Variants in CA10 observed in about 807,000 individuals in gnomAD.
The protein encoded by CA10 is carbonic anhydrase 10 (inactive), also known as carbonic anhydrase-related protein 10.
A neutral mutation model predicts 44.2 loss-of-function variants in CA10; 14 were observed. The observed-to-expected ratio is 0.32, with a 90% CI of 0.21 to 0.50. The LOEUF (loss-of-function observed/expected upper bound fraction) is 0.50. CA10 is among the 20% of genes least tolerant of loss of function. The probability of loss-of-function intolerance (pLI) is 0.99; values close to 1 mark genes in which losing one functional copy is unlikely to be tolerated. For missense variants in CA10, 350 were observed against 409.7 expected (o/e 0.85, Z 1.26); for synonymous variants, 159 against 141.6 (o/e 1.12, Z -0.87).
chr17:52,010,627 T>C (rs1214578818), intron 2 of CA10, among the ~76,000 whole-genome samples: 1 of 151,494 alleles, frequency 6.6e-6, no homozygotes, highest in Non-Finnish European at 1.5e-5. Context: ...GGGGAAAATG[T>C]GGGGGATGGT....
chr17:52,069,697 C>T (rs2143127643), intron 2 of CA10, among the ~76,000 whole-genome samples: 1 of 152,292 alleles, frequency 6.6e-6, no homozygotes, highest in Non-Finnish European at 1.5e-5. Context: ...TCCATAAATG[C>T]TATTGAACTG....
intron 3 of CA10, among the ~76,000 whole-genome samples, chr17:51,883,236 A>C (rs927087632): frequency 6.6e-6 from 1 of 152,164 alleles, no homozygotes; most frequent in Admixed American, 6.5e-5. Flanking sequence ...AAATAATACA[A>C]TAAATTTTCT....
At chr17:51,758,184 G>A (rs1905127424) in intron 3 of CA10, among the ~76,000 whole-genome samples, 1 of 152,054 alleles carries the variant, frequency 6.6e-6, no homozygotes. Flanking sequence ...ATAGGATTTT[G>A]GCATCTACAC....
At chr17:51,692,340 A>G (rs1054337736) in intron 4 of CA10, among the ~76,000 whole-genome samples, 4 of 141,896 alleles carry the variant, frequency 2.8e-5, no homozygotes, top group Non-Finnish European at 6.1e-5. Context: ...TTTGTTTTCT[A>G]TCTACCTACC....
chr17:51,990,729 ACTCT>A (rs1410827665), intron 2 of CA10, among the ~76,000 whole-genome samples: 1 of 152,096 alleles, frequency 6.6e-6, no homozygotes, highest in African/African-American at 2.4e-5. Flanking sequence ...GGAAATTTCA[ACTCT>A]CTATTTCTCA....
rs112794109 is a variant in CA10, at chr17:51,865,565, TG to T, written c.279+65424del. 4.5e-3 allele frequency among the ~76,000 whole-genome samples: 682 copies of T among 152,192 alleles called. 6 individuals carry two copies. Among genetic ancestry groups the T allele is most frequent in the African/African-American group, 0.016 (663 of 41,514 alleles). On this transcript the variant is annotated intron_variant, in intron 3 of 8. Coordinates refer to ENST00000451037, the MANE Select transcript of CA10 (RefSeq NM_020178.5). ...AGTGTCCATGGCCTCAGGGAGCCGGTGGGGGGGAACCAATATGCAGTCAAAA... is the reference window on the plus strand; with the variant it reads ...AGTGTCCATGGCCTCAGGGAGCCGGTGGGGGGAACCAATATGCAGTCAAAA...
chr17:51,811,405 C>T (rs1448005922), intron 3 of CA10, among the ~76,000 whole-genome samples: 1 of 152,158 alleles, frequency 6.6e-6, no homozygotes, highest in Non-Finnish European at 1.5e-5. Context: ...TCATCATTTA[C>T]ATTAGGTATT....
intron 2 of CA10, among the ~76,000 whole-genome samples, chr17:52,002,227 G>GA (rs199497929): frequency 2.3e-3 from 336 of 148,774 alleles, no homozygotes; most frequent in African/African-American, 7.5e-3. Flanking sequence ...AGTTATAAAT[G>GA]AAAAAAAAAA....
intron 2 of CA10, among the ~76,000 whole-genome samples, chr17:51,932,720 T>C (rs550631362): frequency 1.3e-5 from 2 of 152,208 alleles, no homozygotes; most frequent in Admixed American, 1.3e-4. Context: ...AGGAGAAACA[T>C]TGACACATGT....
At chr17:51,869,271 T>C (rs1979699648) in intron 3 of CA10, among the ~76,000 whole-genome samples, 1 of 152,142 alleles carries the variant, frequency 6.6e-6, no homozygotes, top group African/African-American at 2.4e-5. Context: ...TCATAAACCA[T>C]TTCAAATGGA....
intron 4 of CA10, among the ~76,000 whole-genome samples, chr17:51,709,904 G>T (rs1182844653): frequency 6.6e-6 from 1 of 152,184 alleles, no homozygotes; most frequent in Non-Finnish European, 1.5e-5. Context: ...GAGCCAGGGA[G>T]TTGGAATGGG....
At chr17:51,764,693 T>G (rs1271051841) in intron 3 of CA10, among the ~76,000 whole-genome samples, 1 of 152,192 alleles carries the variant, frequency 6.6e-6, no homozygotes, top group East Asian at 1.9e-4. Flanking sequence ...AGTACCATTC[T>G]GCAGAATCGA....
chr17:51,682,048 C>T (rs1357874876), intron 4 of CA10, among the ~76,000 whole-genome samples: 2 of 152,146 alleles, frequency 1.3e-5, no homozygotes, highest in Non-Finnish European at 2.9e-5. Context: ...AACAACATAC[C>T]ATGTTTTCCC....
intron 2 of CA10, among the ~76,000 whole-genome samples, chr17:52,033,009 T>C (rs1986513671): frequency 6.6e-6 from 1 of 152,136 alleles, no homozygotes; most frequent in Non-Finnish European, 1.5e-5. Flanking sequence ...TCAAGAGAAC[T>C]AAGATTTTTG....
chr17:51,671,475 G>A (rs989523614), intron 4 of CA10, among the ~76,000 whole-genome samples: 1 of 152,106 alleles, frequency 6.6e-6, no homozygotes, highest in African/African-American at 2.4e-5. Context: ...TGCGATCTTG[G>A]CTCACTGCAA....
At chr17:51,744,693 G>A (rs930276685) in intron 4 of CA10, among the ~76,000 whole-genome samples, 2 of 152,122 alleles carry the variant, frequency 1.3e-5, no homozygotes, top group African/African-American at 4.8e-5. Context: ...TTTCATCACT[G>A]TATCGTTTTC....
At chr17:51,809,968 A>C (rs1598056027) in intron 3 of CA10, among the ~76,000 whole-genome samples, 1 of 152,208 alleles carries the variant, frequency 6.6e-6, no homozygotes, top group East Asian at 1.9e-4. Context: ...GAAGTGATAC[A>C]TATAAGCCAT....
intron 2 of CA10, among the ~76,000 whole-genome samples, chr17:52,055,103 C>T (rs1464572088): frequency 6.6e-6 from 1 of 151,832 alleles, no homozygotes; most frequent in Non-Finnish European, 1.5e-5. Flanking sequence ...AGATGATATC[C>T]TAAAAAAGCC....
intron 4 of CA10, among the ~76,000 whole-genome samples, chr17:51,658,328 A>G (rs972034667): frequency 2.6e-5 from 4 of 152,206 alleles, no homozygotes; most frequent in Admixed American, 2.0e-4. Context: ...CCTCCTAGAG[A>G]TAGTTTCAGA....
Sources: allele counts gnomAD v4.1 joint callset (sites outside exome capture counted in the v4.1 genomes callset), GRCh38; gene constraint gnomAD v4.1.1; transcripts MANE v1.5; gene names NCBI Gene and HGNC (gene_info 2026-07-23, HGNC 2026-07-21).